The following RELCH variants were observed in gnomAD, a reference collection of about 807,000 sequenced individuals.
RELCH encodes the protein RAB11-binding protein RELCH.
In RELCH, 41 loss-of-function variants were observed where a neutral mutation model predicts 150.3. That is an observed-to-expected ratio of 0.27 (90% CI 0.21 to 0.35). RELCH has a LOEUF of 0.35. Ranked by LOEUF, RELCH falls within the 10% of genes least tolerant of loss-of-function variation. The probability of loss-of-function intolerance (pLI) is 1.00; values close to 1 mark genes in which losing one functional copy is unlikely to be tolerated. For missense variants in RELCH, 1,092 were observed against 1,467.8 expected, an observed-to-expected ratio of 0.74 and a Z score of 4.18; for synonymous variants, 478 against 531.8, an observed-to-expected ratio of 0.90 and a Z score of 1.39.
At position 62,227,620 on chromosome 18, in the gene RELCH, T is replaced by C; in HGVS notation, c.1085T>C (p.Leu362Ser). Residue 362 changes from leucine (L) to serine (S), a missense_variant, in exon 7 of 29, where the codon TTA becomes TCA. Coordinates refer to ENST00000644646, the MANE Select transcript of RELCH (RefSeq NM_001346231.2). ...PAENSMLVQK[L>S]EDKISLLNSE... is the part of the protein sequence containing the mutation. ...TAGAACTCCATGTTAGTACAGAAAT[T>C]AGAAGATAAAATTAGTTTGTTAAAT... 6.4e-7 allele frequency: 1 copy of C among 1,562,276 alleles called. No individual in the cohort carries two copies. The highest frequency in any genetic ancestry group is 8.8e-7 in the Non-Finnish European group (1 of 1,140,980).
At chr18:62,231,067 A>G in intron 8 of RELCH, 127 bp from the exon 9 acceptor site, 1 of 613,040 alleles carries the variant, frequency 1.6e-6, no homozygotes. Flanking sequence ...GGTGGCTCAG[A>G]AATCTGGTTA....
At chr18:62,256,036 T>C (rs1034540594) in intron 13 of RELCH, among the ~76,000 whole-genome samples, 2 of 152,124 alleles carry the variant, frequency 1.3e-5, no homozygotes, top group African/African-American at 4.8e-5. Context: ...GAAGCATGCA[T>C]CTTTTTAATA....
At chr18:62,200,562 C>CTTT (rs777685514) in intron 1 of RELCH, among the ~76,000 whole-genome samples, 11 of 139,792 alleles carry the variant, frequency 7.9e-5, no homozygotes, top group Non-Finnish European at 1.1e-4. Context: ...CTGTCCCCAA[C>CTTT]TTTTTTTTTT....
At chr18:62,216,256 T>C (rs1477758542) in intron 2 of RELCH, among the ~76,000 whole-genome samples, 1 of 152,150 alleles carries the variant, frequency 6.6e-6, no homozygotes, top group African/African-American at 2.4e-5. Flanking sequence ...TAGATAACGT[T>C]TCTGCTCTTC....
chr18:62,187,389 C>A lies in RELCH; in HGVS notation c.-117C>A. The A allele has an allele frequency of 1.0e-6, 1 of 968,416 alleles. No individual in the cohort carries two copies. The highest frequency in any genetic ancestry group is 1.4e-6 in the Non-Finnish European group (1 of 691,378). 60.0% of individuals were successfully genotyped at this position (968,416 alleles called of 1,614,324 possible). On this transcript the variant is annotated 5_prime_UTR_variant, in exon 1 of 29. Coordinates refer to ENST00000644646, the MANE Select transcript of RELCH (RefSeq NM_001346231.2). ...TACTCCTTGTCTCTAAGTCGGGAGG[C>A]AGGACGTGGTCAGGCCGGGGCTGTG... is the stretch of plus-strand genomic sequence containing the variant.
At chr18:62,229,300 G>C (rs2041406916) in intron 8 of RELCH, among the ~76,000 whole-genome samples, 1 of 151,920 alleles carries the variant, frequency 6.6e-6, no homozygotes, top group African/African-American at 2.4e-5. Flanking sequence ...TGCATTTTCA[G>C]CCACAAGGTC....
intron 19 of RELCH, among the ~76,000 whole-genome samples, chr18:62,267,353 C>T (rs1474555762): frequency 6.6e-6 from 1 of 151,172 alleles, no homozygotes. Flanking sequence ...TGTAGCACCC[C>T]CACCCCCATT....
chr18:62,298,669 C>T (rs1448394327), intron 27 of RELCH, 121 bp from the exon 28 acceptor site: 2 of 575,412 alleles, frequency 3.5e-6, no homozygotes, highest in Non-Finnish European at 6.2e-6. Context: ...AAGTAACTGC[C>T]AAAACTAAAT....
intron 2 of RELCH, among the ~76,000 whole-genome samples, chr18:62,214,483 C>T (rs1169579308): frequency 2.6e-5 from 4 of 152,182 alleles, no homozygotes; most frequent in Non-Finnish European, 5.9e-5. Context: ...CAGGCTACTC[C>T]TGCAAGCTGG....
intron 25 of RELCH, among the ~76,000 whole-genome samples, chr18:62,283,607 A>T (rs148122604): frequency 4.6e-5 from 7 of 152,222 alleles, no homozygotes; most frequent in African/African-American, 1.7e-4. Context: ...AGGCATGCAC[A>T]CTGATCAAAC....
intron 11 of RELCH, chr18:62,246,618 A>G (rs1026689695): frequency 6.6e-6 from 1 of 152,240 alleles, no homozygotes; most frequent in African/African-American, 2.4e-5. Context: ...ATATCATTTA[A>G]TGAAGCTCTA....
At chr18:62,302,834 A>AT (rs1345049688) in intron 28 of RELCH, among the ~76,000 whole-genome samples, 1 of 152,096 alleles carries the variant, frequency 6.6e-6, no homozygotes, top group Non-Finnish European at 1.5e-5. Context: ...CCAAATGGAG[A>AT]TTTTAAAGAG....
chr18:62,206,632 A>C (rs929692107), intron 1 of RELCH, among the ~76,000 whole-genome samples: 1 of 152,210 alleles, frequency 6.6e-6, no homozygotes, highest in Non-Finnish European at 1.5e-5. Context: ...ACAATTTAAC[A>C]GAGGGTTGAC....
chr18:62,254,184 G>T (rs888250645), intron 12 of RELCH, among the ~76,000 whole-genome samples: 1 of 152,080 alleles, frequency 6.6e-6, no homozygotes, highest in African/African-American at 2.4e-5. Flanking sequence ...TTTATCTAGA[G>T]AGTATTGCCA....
chr18:62,309,754 C>G lies in RELCH; in HGVS notation c.*4220C>G. 6.6e-6 allele frequency: 1 copy of G among 152,148 alleles called. No individual in the cohort carries two copies. Among genetic ancestry groups the G allele is most frequent in the East Asian group, 1.9e-4 (1 of 5,200 alleles). 9.4% of individuals were successfully genotyped at this position (152,148 alleles called of 1,614,324 possible). ...TATTTTAATTCCTTTTATTCCATTA[C>G]AGACTAATCCACCATATTTATTTCA... On this transcript the variant is annotated 3_prime_UTR_variant, in exon 29 of 29. Coordinates refer to ENST00000644646, the MANE Select transcript of RELCH (RefSeq NM_001346231.2).
At chr18:62,208,778 C>T (rs1328914519) in intron 1 of RELCH, among the ~76,000 whole-genome samples, 1 of 152,116 alleles carries the variant, frequency 6.6e-6, no homozygotes, top group Non-Finnish European at 1.5e-5. Context: ...TCTGTTCCTA[C>T]GTTAGTTTGG....
intron 1 of RELCH, among the ~76,000 whole-genome samples, chr18:62,206,172 C>A (rs991269290): frequency 7.9e-5 from 12 of 152,272 alleles, no homozygotes; most frequent in African/African-American, 2.6e-4. Context: ...ACCTCTGCCT[C>A]CAGAGTAACT....
intron 22 of RELCH, among the ~76,000 whole-genome samples, chr18:62,279,441 T>C (rs1012255464): frequency 7.2e-5 from 11 of 152,170 alleles, no homozygotes; most frequent in Non-Finnish European, 1.6e-4. Flanking sequence ...TAGAGCACAA[T>C]ATGTGTCAAA....
At chr18:62,247,177 TCAAAGATTAGTCTATAGAAAC>T (rs959500773) in intron 11 of RELCH, 3 of 152,172 alleles carry the variant, frequency 2.0e-5, no homozygotes, top group African/African-American at 7.2e-5. Context: ...TTTCTTCTTA[TCAAAGATTAGTCTATAGAAAC>T]CAAAATCCAC....
Sources: allele counts gnomAD v4.1 joint callset (sites outside exome capture counted in the v4.1 genomes callset), GRCh38; gene constraint gnomAD v4.1.1; transcripts MANE v1.5; gene names NCBI Gene and HGNC (gene_info 2026-07-23, HGNC 2026-07-21).